The following CDK5RAP3 variants were observed in gnomAD, a reference collection of about 807,000 sequenced individuals.
CDK5RAP3 encodes CDK5 regulatory subunit associated protein 3, also known as CDK5 regulatory subunit-associated protein 3.
In CDK5RAP3, 58 loss-of-function variants were observed where a neutral mutation model predicts 73.3. The observed-to-expected ratio is 0.79, with a 90% confidence interval of 0.64 to 0.98. CDK5RAP3 has a LOEUF of 0.98. Among genes scored for constraint, CDK5RAP3 ranks in the 50% least tolerant of loss-of-function variants. CDK5RAP3 has a pLI of 0.00. For synonymous variants in CDK5RAP3, 224 were observed against 247.5 expected, an observed-to-expected ratio of 0.91 and a Z score of 0.89; for missense variants, 525 against 615.8, an observed-to-expected ratio of 0.85 and a Z score of 1.56.
At chr17:47,977,298 G>A (rs557701451) in intron 9 of CDK5RAP3, among the ~76,000 whole-genome samples, 104 of 152,182 alleles carry the variant, frequency 6.8e-4, no homozygotes, top group African/African-American at 2.0e-3. Flanking sequence ...ACAGGCGCCC[G>A]CCACCACGCC....
chr17:47,978,866 A>G lies in CDK5RAP3; in HGVS notation c.1026A>G (p.Thr342=), dbSNP rs748429423. 2 of 1,613,850 alleles carry G rather than the reference A, an allele frequency of 1.2e-6. No homozygotes were observed. The highest frequency in any genetic ancestry group is 1.7e-5 in the Admixed American group (1 of 59,992). ...TTGCCAGGGGCCCAGATGCCCTGACACTGCTTGAATACACTGAGACCCGGA... is the reference window on the plus strand; with the variant it reads ...TTGCCAGGGGCCCAGATGCCCTGACGCTGCTTGAATACACTGAGACCCGGA... ...EGVARGPDAL[T]LLEYTETRNQ... is the part of the protein sequence containing the mutation. The change falls in exon 11 of 14, where the codon ACA becomes ACG. Residue 342 remains threonine, a synonymous_variant. Coordinates refer to ENST00000338399, the MANE Select transcript of CDK5RAP3 (RefSeq NM_176096.3).
At chr17:47,969,193 A>G (rs1158252161), upstream of CDK5RAP3, among the ~76,000 whole-genome samples, 1 of 152,094 alleles carries the variant, frequency 6.6e-6, no homozygotes, top group Admixed American at 6.6e-5. Flanking sequence ...TATGCATTTC[A>G]ATCAAAAATT....
chr17:47,978,514 G>A (rs1369821092), intron 10 of CDK5RAP3: 8 of 331,986 alleles, frequency 2.4e-5, no homozygotes, highest in South Asian at 2.4e-4. Context: ...CAGAGAAGAC[G>A]TAGTGGTGTC....
chr17:47,967,905 GT>G (rs927016029), upstream of CDK5RAP3: 11 of 152,262 alleles, frequency 7.2e-5, no homozygotes, highest in African/African-American at 2.7e-4. Flanking sequence ...GGGCAGAACT[GT>G]TCTCAAACAT....
rs960149432 is a variant in CDK5RAP3 at position 47,976,753 on chromosome 17, G to T, written c.840G>T (p.Gly280=). 6.2e-7 allele frequency: 1 copy of T among 1,613,128 alleles called. No homozygotes were observed. ...TTGGGGTAGAGGCAGTGTCTGAGGG[G>T]ACTGACTCTGGCATCTCTGCCGAGG... ...GDFGVEAVSE[G]TDSGISAEAA... The change falls in exon 9 of 14, where the codon GGG becomes GGT. Residue 280 remains glycine, a synonymous_variant. Transcript: ENST00000338399.
At chr17:47,976,853 T>C in intron 9 of CDK5RAP3, 31 bp downstream of exon 9, 2 of 1,344,960 alleles carry the variant, frequency 1.5e-6, no homozygotes, top group Middle Eastern at 1.9e-4. Context: ...TGTCTCTCTC[T>C]GATCACTACT....
intron 8 of CDK5RAP3, 26 bp downstream of exon 8, chr17:47,976,039 T>C (rs1334584112): frequency 1.2e-6 from 2 of 1,608,356 alleles, no homozygotes; most frequent in Non-Finnish European, 1.7e-6. Context: ...TGATGAGCTG[T>C]AGGAGTGGAG....
At chr17:47,980,328 C>A in intron 11 of CDK5RAP3, 1 of 457,602 alleles carries the variant, frequency 2.2e-6, no homozygotes, top group Non-Finnish European at 4.0e-6. Context: ...GAGTGCAGTG[C>A]AGCAATCATA....
At chr17:47,971,627 C>T (rs184673753) in intron 2 of CDK5RAP3, among the ~76,000 whole-genome samples, 2 of 152,322 alleles carry the variant, frequency 1.3e-5, no homozygotes, top group African/African-American at 2.4e-5. Context: ...CCTTTAATAA[C>T]ATATGTTATC....
chr17:47,977,883 A>C lies in CDK5RAP3; in HGVS notation c.961A>C (p.Ile321Leu), dbSNP rs370790334. 91 of 1,614,064 alleles carry C rather than the reference A, an allele frequency of 5.6e-5. 1 individual carries two copies. The African/African-American group carries it at 7.9e-4, about 14-fold the overall frequency. ...DWGDDAVALQ[I>L]TVLEAGTQAP... ...GGGAGACGATGCTGTTGCTTTGCAG[A>C]TCACAGTGCTGGAAGCAGGAACCCA... Residue 321 changes from isoleucine (I) to leucine (L), a missense_variant, in exon 10 of 14, where the codon ATC becomes CTC. Physicochemically the swap from Ile to Leu is conservative, Grantham distance 5. Transcript: ENST00000338399.
At chr17:47,973,450 C>A in intron 2 of CDK5RAP3, 69 bp from the exon 3 acceptor site, 2 of 1,568,188 alleles carry the variant, frequency 1.3e-6, no homozygotes, top group South Asian at 1.1e-5. Flanking sequence ...CAGTGTATTT[C>A]ACTCGAATTA....
chr17:47,978,845 C>T lies in CDK5RAP3; in HGVS notation c.1005C>T (p.Ala335=), dbSNP rs1297393987. 3.7e-6 allele frequency: 6 copies of T among 1,613,674 alleles called. No homozygotes were observed. The Admixed American group carries it at 1.0e-4, about 27-fold the overall frequency. Residue 335 remains alanine, a synonymous_variant, in exon 11 of 14, where the codon GCC becomes GCT. Transcript: ENST00000338399. ...EAGTQAPEGV[A]RGPDALTLLE... ...TCCTGGCAGCTCCAGAAGGTGTTGC[C>T]AGGGGCCCAGATGCCCTGACACTGC...
At chr17:47,975,389 T>C in intron 6 of CDK5RAP3, 52 bp downstream of exon 6, 1 of 1,606,538 alleles carries the variant, frequency 6.2e-7, no homozygotes, top group East Asian at 2.2e-5. Context: ...CCCCTGCTTG[T>C]CTTCCTCTGA....
intron 5 of CDK5RAP3, 51 bp from the exon 6 acceptor site, chr17:47,975,108 G>A: frequency 6.2e-7 from 1 of 1,613,626 alleles, no homozygotes. Flanking sequence ...CCTGGGGCAT[G>A]CCTGCCTCAT....
rs923992668 is a variant in CDK5RAP3 at position 47,980,969 on chromosome 17, G to A, written c.1283+171G>A. On this transcript the variant is annotated intron_variant, in intron 12 of 13. Coordinates refer to ENST00000338399, the MANE Select transcript of CDK5RAP3 (RefSeq NM_176096.3). ...AGAGGGGGAGGTTTCACATATACAG[G>A]AAGAATCTGCTTGCTTCCTGAGTAG... is the stretch of plus-strand genomic sequence containing the variant. 6 of 855,288 alleles carry A rather than the reference G, an allele frequency of 7.0e-6. No homozygotes were observed. The African/African-American group carries it at 1.0e-4, about 15-fold the overall frequency. 53.0% of individuals were successfully genotyped at this position (855,288 alleles called of 1,614,324 possible).
At chr17:47,976,126 G>C (rs2036407285) in intron 8 of CDK5RAP3, 113 bp downstream of exon 8, 7 of 1,370,040 alleles carry the variant, frequency 5.1e-6, no homozygotes, top group Middle Eastern at 1.9e-4. Flanking sequence ...ATTTCTGTGA[G>C]AGTGACTGTA....
intron 7 of CDK5RAP3, 63 bp downstream of exon 7, chr17:47,975,716 T>C: frequency 6.4e-7 from 1 of 1,566,560 alleles, no homozygotes. Context: ...CTCATGACCC[T>C]TCTCCAGTTG....
In CDK5RAP3 at chr17:47,980,604, C is replaced by T. The variant is rs765658906; in HGVS notation, c.1089C>T (p.Phe363=). 1.1e-5 allele frequency: 17 copies of T among 1,612,894 alleles called. No homozygotes were observed. In the African/African-American group the frequency reaches 1.9e-4, roughly 18 times the overall value. ...FLDELMELEI[F]LAQRAVELSE... ...TCTTCTGTCCTCAGCTTGAGATCTT[C>T]TTAGCCCAGAGAGCAGTGGAGTTGA... The change falls in exon 12 of 14, where the codon TTC becomes TTT. Residue 363 remains phenylalanine, a synonymous_variant. Coordinates refer to ENST00000338399, the MANE Select transcript of CDK5RAP3 (RefSeq NM_176096.3).
chr17:47,978,963 A>G, intron 11 of CDK5RAP3, 46 bp downstream of exon 11: 1 of 1,486,738 alleles, frequency 6.7e-7, no homozygotes, highest in Non-Finnish European at 9.4e-7. Context: ...TGGCACCAGC[A>G]CAGGTGGCTT....
Sources: allele counts gnomAD v4.1 joint callset (sites outside exome capture counted in the v4.1 genomes callset), GRCh38; gene constraint gnomAD v4.1.1; transcripts MANE v1.5; gene names NCBI Gene and HGNC (gene_info 2026-07-23, HGNC 2026-07-21).